The following STARD3NL variants were observed in gnomAD, a reference collection of about 807,000 sequenced individuals.
STARD3NL encodes STARD3 N-terminal like.
A neutral mutation model predicts 30.9 loss-of-function variants in STARD3NL; 17 were observed. The observed-to-expected ratio is 0.55, with a 90% confidence interval of 0.38 to 0.82. The LOEUF (loss-of-function observed/expected upper bound fraction) is 0.82. STARD3NL is among the 40% of genes least tolerant of loss of function. The pLI, the probability that STARD3NL is intolerant of heterozygous loss-of-function variation, is 0.00. For missense variants in STARD3NL, 234 were observed against 277.6 expected (o/e 0.84, Z 1.12); for synonymous variants, 112 against 100.5 (o/e 1.11, Z -0.69).
At chr7:38,219,495 T>G in intron 6 of STARD3NL, 70 bp from the exon 7 acceptor site, 1 of 1,065,748 alleles carries the variant, frequency 9.4e-7, no homozygotes, top group Non-Finnish European at 1.4e-6. Context: ...CATTTTATTT[T>G]ACTTAATCTT....
chr7:38,214,410 C>T lies in STARD3NL; in HGVS notation c.279C>T (p.Tyr93=). The T allele has an allele frequency of 1.2e-6, 2 of 1,602,690 alleles. No homozygotes were observed. The highest frequency in any genetic ancestry group is 1.1e-5 in the South Asian group (1 of 90,446). The part of the protein sequence containing the change: ...TLEKEVMQYD[Y]YSSYFDIFLL... ...AGAAGGAGGTGATGCAGTATGACTACTATTCTTCATATTTTGATATATTTG... is the reference window on the plus strand; with the variant it reads ...AGAAGGAGGTGATGCAGTATGACTATTATTCTTCATATTTTGATATATTTG... Residue 93 remains tyrosine (Y), a synonymous_variant, in exon 3 of 9, where the codon TAC becomes TAT. Transcript: ENST00000009041.
intron 1 of STARD3NL, among the ~76,000 whole-genome samples, chr7:38,183,988 A>C (rs1784351042): frequency 6.6e-6 from 1 of 152,216 alleles, no homozygotes; most frequent in South Asian, 2.1e-4. Flanking sequence ...TTTTTAAACT[A>C]ATTGAATACC....
chr7:38,179,257 C>T (rs577317426), intron 1 of STARD3NL: 8 of 152,250 alleles, frequency 5.3e-5, no homozygotes, highest in Admixed American at 5.2e-4. Flanking sequence ...CCATATCTAC[C>T]CATACGCCTC....
At chr7:38,200,304 T>TG (rs1750886461) in intron 1 of STARD3NL, among the ~76,000 whole-genome samples, 1 of 152,182 alleles carries the variant, frequency 6.6e-6, no homozygotes, top group African/African-American at 2.4e-5. Flanking sequence ...ATCACCTGGC[T>TG]GAATGTACCT....
At chr7:38,199,359 TCTC>T (rs1235357629) in intron 1 of STARD3NL, among the ~76,000 whole-genome samples, 6 of 152,210 alleles carry the variant, frequency 3.9e-5, no homozygotes, top group Non-Finnish European at 7.3e-5. Context: ...ACAGTTGTAA[TCTC>T]CTGAATTCAA....
In STARD3NL at chr7:38,230,444, T is replaced by C. The variant is rs916535767; in HGVS notation, c.*539T>C. On this transcript the variant is annotated 3_prime_UTR_variant, in exon 9 of 9. Coordinates refer to ENST00000009041, the MANE Select transcript of STARD3NL (RefSeq NM_032016.4). ...GTTTTATTTTTCTTGTTTTGCATTA[T>C]GTGTATGGCCTGAAGTGTTGGACTT... is the stretch of plus-strand genomic sequence containing the variant. The C allele has an allele frequency of 6.6e-6, 1 of 152,592 alleles. No homozygotes were observed. Among genetic ancestry groups the C allele is most frequent in the African/African-American group, 2.4e-5 (1 of 41,456 alleles). The allele number at this position is 152,592 out of a possible 1,614,324, so 9.5% of individuals were successfully genotyped here. A position where few individuals can be genotyped will look rare whatever the true frequency, so the allele number is the denominator to read the frequency against.
At chr7:38,218,001 C>T (rs1022100572) in intron 6 of STARD3NL, among the ~76,000 whole-genome samples, 5 of 152,100 alleles carry the variant, frequency 3.3e-5, no homozygotes, top group African/African-American at 1.2e-4. Flanking sequence ...TTTCAATATC[C>T]CAGAATATTC....
At chr7:38,198,935 A>AT (rs1409531235) in intron 1 of STARD3NL, among the ~76,000 whole-genome samples, 3 of 152,240 alleles carry the variant, frequency 2.0e-5, no homozygotes, top group African/African-American at 7.2e-5. Context: ...TTGAGAATAA[A>AT]TGTATAGGTT....
At chr7:38,191,720 C>T (rs1490393657) in intron 1 of STARD3NL, among the ~76,000 whole-genome samples, 1 of 152,070 alleles carries the variant, frequency 6.6e-6, no homozygotes, top group Admixed American at 6.5e-5. Context: ...TTTATATACT[C>T]TCTATTATGT....
At position 38,206,923 on chromosome 7, in the gene STARD3NL, A is replaced by T. The variant is rs182321247; in HGVS notation, c.-58-524A>T. ...GTTAGGACTATAGGCATGTGCTGCC[A>T]TGCGCAGCTGATTTTTCTTTTTTCT... is the stretch of plus-strand genomic sequence containing the variant. On this transcript the variant is annotated intron_variant, in intron 1 of 8. Coordinates refer to ENST00000009041, the MANE Select transcript of STARD3NL (RefSeq NM_032016.4). Among the ~76,000 whole-genome samples the T allele has an allele frequency of 1.7e-3, 263 of 152,290 alleles. 2 individuals carry two copies. The highest frequency in any genetic ancestry group is 5.7e-3 in the African/African-American group (236 of 41,556).
At chr7:38,196,634 C>CA (rs1233780207) in intron 1 of STARD3NL, among the ~76,000 whole-genome samples, 1 of 151,982 alleles carries the variant, frequency 6.6e-6, no homozygotes, top group African/African-American at 2.4e-5. Flanking sequence ...TCTTTGACTC[C>CA]AAAAATATTT....
At chr7:38,201,004 A>G (rs897179601) in intron 1 of STARD3NL, among the ~76,000 whole-genome samples, 2 of 152,238 alleles carry the variant, frequency 1.3e-5, no homozygotes, top group Admixed American at 6.5e-5. Flanking sequence ...AGTTTCACTC[A>G]AAAAATTAAT....
At chr7:38,197,174 T>TTCTTTCTTTCTTTCTC (rs1274132807) in intron 1 of STARD3NL, among the ~76,000 whole-genome samples, 2 of 148,454 alleles carry the variant, frequency 1.3e-5, no homozygotes, top group Non-Finnish European at 3.0e-5. Flanking sequence ...CTTTCTTTCT[T>TTCTTTCTTTCTTTCTC]TCTTTCTTTC....
chr7:38,230,133 A>G lies in STARD3NL; in HGVS notation c.*228A>G, dbSNP rs2116478643. The G allele has an allele frequency of 6.5e-6, 1 of 152,784 alleles. No homozygotes were observed. Among genetic ancestry groups the G allele is most frequent in the East Asian group, 1.9e-4 (1 of 5,188 alleles). 9.5% of individuals were successfully genotyped at this position (152,784 alleles called of 1,614,324 possible). ...GGCTGGTAAGGTAATGTCATGATTC[A>G]TCCTCTCTTCAGTGAGACTGAGCCT... On this transcript the variant is annotated 3_prime_UTR_variant, in exon 9 of 9. Transcript: ENST00000009041.
At chr7:38,193,607 T>G (rs1259855752) in intron 1 of STARD3NL, among the ~76,000 whole-genome samples, 1 of 152,130 alleles carries the variant, frequency 6.6e-6, no homozygotes, top group Non-Finnish European at 1.5e-5. Flanking sequence ...CAGGATTAGT[T>G]TTTATCTATA....
intron 1 of STARD3NL, among the ~76,000 whole-genome samples, chr7:38,190,637 C>T (rs1040595283): frequency 6.6e-6 from 1 of 152,194 alleles, no homozygotes; most frequent in Non-Finnish European, 1.5e-5. Flanking sequence ...CCTGCATAAC[C>T]ATTACTAAAC....
intron 1 of STARD3NL, 67 bp from the exon 2 acceptor site, chr7:38,207,380 A>G (rs1465496179): frequency 4.3e-6 from 3 of 701,144 alleles, no homozygotes; most frequent in Non-Finnish European, 4.7e-6. Context: ...TGCACAGTGG[A>G]GAGGGTTGCA....
intron 1 of STARD3NL, among the ~76,000 whole-genome samples, chr7:38,195,336 G>A (rs1197871285): frequency 2.6e-5 from 4 of 152,162 alleles, no homozygotes; most frequent in Admixed American, 2.0e-4. Context: ...GATTACAAGC[G>A]TGAGCCACTG....
intron 1 of STARD3NL, among the ~76,000 whole-genome samples, chr7:38,184,705 A>AAT (rs1050404579): frequency 1.4e-5 from 2 of 146,568 alleles, no homozygotes; most frequent in Non-Finnish European, 3.0e-5. Context: ...TATAGTATAT[A>AAT]ATATATATAT....
Sources: allele counts gnomAD v4.1 joint callset (sites outside exome capture counted in the v4.1 genomes callset), GRCh38; gene constraint gnomAD v4.1.1; transcripts MANE v1.5; gene names NCBI Gene and HGNC (gene_info 2026-07-23, HGNC 2026-07-21).